KRT81: variants seen among roughly 807,000 people sequenced by gnomAD.
The protein encoded by KRT81 is keratin 81, also known as keratin, type II cuticular Hb1.
A neutral mutation model predicts 35.8 loss-of-function variants in KRT81; 35 were observed. That is an observed-to-expected ratio of 0.98 (90% CI 0.75 to 1.30). The LOEUF (loss-of-function observed/expected upper bound fraction) is 1.30. Among genes scored for constraint, KRT81 ranks in the 50% most tolerant of loss-of-function variants. KRT81 has a pLI of 0.00. For synonymous variants in KRT81, 249 were observed against 251.2 expected (o/e 0.99, Z 0.08); for missense variants, 531 against 577.4 (o/e 0.92, Z 0.82).
At chr12:52,288,870 C>T (rs1938054756) in intron 3 of KRT81, among the ~76,000 whole-genome samples, 2 of 151,636 alleles carry the variant, frequency 1.3e-5, no homozygotes, top group African/African-American at 2.4e-5. Flanking sequence ...GTCAGACTCC[C>T]CAAAATGCTA....
chr12:52,287,048 G>T, intron 7 of KRT81, 54 bp downstream of exon 7: 1 of 1,612,234 alleles, frequency 6.2e-7, no homozygotes. Flanking sequence ...CCAAGGGTAG[G>T]CTTGTGCCAG....
chr12:52,286,638 C>T lies in KRT81; in HGVS notation c.1280-145G>A, dbSNP rs563107659. The T allele has an allele frequency of 2.7e-4, 312 of 1,176,254 alleles. 1 individual carries two copies. The African/African-American group carries it at 4.4e-3, about 17-fold the overall frequency. 72.9% of individuals were successfully genotyped at this position (1,176,254 alleles called of 1,614,324 possible). On this transcript the variant is annotated intron_variant, in intron 8 of 8. Transcript: ENST00000327741. The stretch of plus-strand genomic sequence containing the variant: ...ATTCTAGGTCCATCTAGTCCAAGAG[C>T]TGGGGTCTTTTGGATGTCTGACCCC...
intron 6 of KRT81, 124 bp downstream of exon 6, chr12:52,287,472 C>A: frequency 6.3e-7 from 1 of 1,592,358 alleles, no homozygotes. Context: ...AGACCACGAC[C>A]AGGGACTCTA....
At chr12:52,287,781 C>A (rs1048741277) in intron 5 of KRT81, 60 bp from the exon 6 acceptor site, 120 of 1,613,736 alleles carry the variant, frequency 7.4e-5, no homozygotes, top group Non-Finnish European at 9.3e-5. Context: ...ATTCAGGACA[C>A]CACAGATGAT....
At chr12:52,287,043 G>C in intron 7 of KRT81, 59 bp downstream of exon 7, 1 of 1,612,226 alleles carries the variant, frequency 6.2e-7, no homozygotes, top group Non-Finnish European at 8.5e-7. Flanking sequence ...CAAGGCCAAG[G>C]GTAGGCTTGT....
chr12:52,287,034 A>G, intron 7 of KRT81, 68 bp downstream of exon 7: 1 of 1,611,760 alleles, frequency 6.2e-7, no homozygotes, highest in Non-Finnish European at 8.5e-7. Context: ...TTGCTCAGCC[A>G]AGGCCAAGGG....
rs761263355 is a variant in KRT81, at chr12:52,288,474, G to C, written c.640-18C>G. On this transcript the variant is annotated intron_variant, in intron 3 of 8. Transcript: ENST00000327741. The stretch of plus-strand genomic sequence containing the variant: ...TCCACATCCTGGAAAGGTGGGGAGT[G>C]TTGGAGCTCAAGGACCCTGGTGATC... 4.3e-6 allele frequency: 7 copies of C among 1,613,856 alleles called. No individual in the cohort carries two copies. The South Asian group carries it at 4.4e-5, about 10-fold the overall frequency.
In KRT81 at chr12:52,287,639, A is replaced by C. The variant is rs1339154874; in HGVS notation, c.983T>G (p.Met328Arg). The change falls in exon 6 of 9, where the codon ATG becomes AGG. Residue 328 changes from methionine (M) to arginine (R), a missense_variant. Met to Arg is a moderately conservative substitution (Grantham distance 91). Coordinates refer to ENST00000327741, the MANE Select transcript of KRT81 (RefSeq NM_002281.4). ...CACCTCGGCCGTCAGCCTTTGGATC[A>C]TGCGGTTCAGCTCATTGATCTCCTC... is the stretch of plus-strand genomic sequence containing the variant. ...TKEEINELNRMIQRLTAEVEN... is the reference protein window; with the variant it reads ...TKEEINELNRRIQRLTAEVEN... 2 of 1,613,928 alleles carry C rather than the reference A, an allele frequency of 1.2e-6. No homozygotes were observed. Among genetic ancestry groups the C allele is most frequent in the Admixed American group, 3.3e-5 (2 of 60,022 alleles).
At position 52,291,393 on chromosome 12, in the gene KRT81, AGCG is replaced by A; in HGVS notation, c.70_72del (p.Arg24del). On this transcript the variant is annotated inframe_deletion, in exon 1 of 9. Transcript: ENST00000327741. The stretch of plus-strand genomic sequence containing the variant: ...CGGTAGGGGGCGGCGGTGATGCAGC[AGCG>A]GCCGGGCCGCGGCCCGCAGGCCGAG... 6.2e-7 allele frequency: 1 copy of A among 1,608,756 alleles called. No homozygotes were observed. Among genetic ancestry groups the A allele is most frequent in the Non-Finnish European group, 8.5e-7 (1 of 1,178,084 alleles).
chr12:52,287,673 G>A lies in KRT81; in HGVS notation c.949C>T (p.Arg317Cys), dbSNP rs758771600. ...AGCTCATTGATCTCCTCCTTGGTGC[G>A]GCGCAGGGTCTCCCCGTGCCTGATC... ...TVIRHGETLR[R>C]TKEEINELNR... Residue 317 changes from arginine to cysteine, a missense_variant, in exon 6 of 9, where the codon CGC becomes TGC. This residue lies in a region of KRT81 where 194 missense variants were observed against 198.2 expected (regional missense o/e 0.98). Coordinates refer to ENST00000327741, the MANE Select transcript of KRT81 (RefSeq NM_002281.4). 20 of 1,613,748 alleles carry A rather than the reference G, an allele frequency of 1.2e-5. No individual in the cohort carries two copies. Among genetic ancestry groups the A allele is most frequent in the Admixed American group, 5.0e-5 (3 of 59,990 alleles).
chr12:52,291,007 G>A, intron 1 of KRT81, 90 bp downstream of exon 1: 1 of 436,490 alleles, frequency 2.3e-6, no homozygotes, highest in Non-Finnish European at 3.8e-6. Context: ...GGCAGGCAGA[G>A]GTCTTTGTGC....
chr12:52,287,724 G>A lies in KRT81; in HGVS notation c.901-3C>T, dbSNP rs184227702. On this transcript the variant is annotated splice_region_variant and splice_polypyrimidine_tract_variant and intron_variant, in intron 5 of 8. Coordinates refer to ENST00000327741, the MANE Select transcript of KRT81 (RefSeq NM_002281.4). ...ACCGTGGCCTTCATCTCCTCACACTGGGGGAAGTAGAGATGCTCATGAGGT... is the reference window on the plus strand; with the variant it reads ...ACCGTGGCCTTCATCTCCTCACACTAGGGGAAGTAGAGATGCTCATGAGGT... 11 of 1,613,984 alleles carry A rather than the reference G, an allele frequency of 6.8e-6. No individual in the cohort carries two copies. The highest frequency in any genetic ancestry group is 4.4e-5 in the South Asian group (4 of 91,066).
In KRT81 at chr12:52,288,412, G is replaced by A. The variant is rs749815809; in HGVS notation, c.684C>T (p.Asn228=). Residue 228 remains asparagine, a synonymous_variant, in exon 4 of 9, where the codon AAC becomes AAT. Transcript: ENST00000327741. ...AYLRKSDLEA[N]VEALIQEIDF... is the part of the protein sequence containing the mutation. Reference sequence around the variant, plus strand: ...CGATCTCCTGGATCAGGGCCTCCACGTTGGCCTCCAGGTCTGACTTGCGGA... The same window carrying A: ...CGATCTCCTGGATCAGGGCCTCCACATTGGCCTCCAGGTCTGACTTGCGGA... The A allele has an allele frequency of 1.0e-4, 169 of 1,613,664 alleles. No homozygotes were observed. The highest frequency in any genetic ancestry group is 1.3e-4 in the African/African-American group (10 of 74,902).
At chr12:52,286,971 C>T (rs1016878787) in intron 7 of KRT81, 131 bp downstream of exon 7, 2 of 1,558,746 alleles carry the variant, frequency 1.3e-6, no homozygotes, top group Non-Finnish European at 1.8e-6. Context: ...CACACCAGCC[C>T]TCCCCACACC....
chr12:52,286,580 T>C, intron 8 of KRT81, 87 bp from the exon 9 acceptor site: 1 of 1,360,686 alleles, frequency 7.3e-7, no homozygotes, highest in Non-Finnish European at 1.0e-6. Context: ...ACCTGAGCTC[T>C]GGTATGAAAA....
intron 8 of KRT81, 49 bp from the exon 9 acceptor site, chr12:52,286,542 G>A (rs1937943385): frequency 6.5e-7 from 1 of 1,530,430 alleles, no homozygotes; most frequent in South Asian, 1.2e-5. Flanking sequence ...AAGCCATCCT[G>A]CCTTCCTGAC....
chr12:52,287,012 G>T, intron 7 of KRT81, 90 bp downstream of exon 7: 1 of 1,606,034 alleles, frequency 6.2e-7, no homozygotes, highest in Admixed American at 1.7e-5. Context: ...TTTTCCCCCA[G>T]AGCCCTGGCC....
In KRT81 at chr12:52,286,426, A is replaced by G. The variant is rs535920691; in HGVS notation, c.1347T>C (p.Thr449=). Residue 449 remains threonine, a synonymous_variant, in exon 9 of 9, where the codon ACT becomes ACC. Transcript: ENST00000327741. ...DLCVSGSRPV[T]GSVCSAPCNG... ...TGCACGGAGCGCTGCAGACACTGCC[A>G]GTCACTGGCCGGGAGCCTGACACGC... The G allele has an allele frequency of 1.9e-6, 3 of 1,553,422 alleles. No homozygotes were observed. Among genetic ancestry groups the G allele is most frequent in the East Asian group, 2.4e-5 (1 of 41,176 alleles).
In KRT81 at chr12:52,288,392, T is replaced by C. The variant is rs763213095; in HGVS notation, c.704A>G (p.Glu235Gly). 10 of 1,614,132 alleles carry C rather than the reference T, an allele frequency of 6.2e-6. No individual in the cohort carries two copies. The South Asian group carries it at 9.9e-5, about 16-fold the overall frequency. The change falls in exon 4 of 9, where the codon GAG becomes GGG. Residue 235 changes from glutamate to glycine, a missense_variant. Physicochemically the swap from Glu to Gly is moderately conservative, Grantham distance 98. Transcript: ENST00000327741. Reference protein sequence around the residue: ...LEANVEALIQEIDFLRRLYEE... With the variant: ...LEANVEALIQGIDFLRRLYEE... ...ATACAGCCGCCTCAGGAAGTCGATC[T>C]CCTGGATCAGGGCCTCCACGTTGGC...
Sources: gnomAD v4.1 joint callset for allele counts (sites outside exome capture counted in the v4.1 genomes callset) on GRCh38, gnomAD v4.1.1 for gene constraint, gnomAD v4.1.1 regional missense constraint, MANE v1.5 for transcripts, NCBI Gene and HGNC (gene_info 2026-07-23, HGNC 2026-07-21) for gene names.